The following NRG3 variants were observed in gnomAD, a reference collection of about 807,000 sequenced individuals.
NRG3 encodes the protein pro-neuregulin-3, membrane-bound isoform.
A neutral mutation model predicts 66.9 loss-of-function variants in NRG3; 31 were observed. That is an observed-to-expected ratio of 0.46 (90% CI 0.35 to 0.63). NRG3 has a LOEUF of 0.63. Among genes scored for constraint, NRG3 ranks in the 20% least tolerant of loss-of-function variants. The pLI, the probability that NRG3 is intolerant of heterozygous loss-of-function variation, is 0.00. For missense variants in NRG3, 910 were observed against 878.9 expected (o/e 1.04, Z -0.45); for synonymous variants, 393 against 359.4 (o/e 1.09, Z -1.06).
At chr10:81,995,950 T>C (rs2060925314) in intron 1 of NRG3, among the ~76,000 whole-genome samples, 1 of 152,222 alleles carries the variant, frequency 6.6e-6, no homozygotes, top group African/African-American at 2.4e-5. Flanking sequence ...CATGGCTCTC[T>C]TCACTGGAAA....
chr10:82,891,217 G>A (rs184383552), intron 4 of NRG3, among the ~76,000 whole-genome samples: 1 of 151,672 alleles, frequency 6.6e-6, no homozygotes, highest in Admixed American at 6.6e-5. Flanking sequence ...AGATGAGTTT[G>A]AAAAGTATTG....
chr10:82,519,444 TGGAGGTAAGGGC>T (rs1273168513), intron 2 of NRG3, among the ~76,000 whole-genome samples: 2 of 152,032 alleles, frequency 1.3e-5, no homozygotes, highest in African/African-American at 4.8e-5. Context: ...CGTTATGGGG[TGGAGGTAAGGGC>T]AGAGCCTTAT....
chr10:81,885,794 C>T (rs757169683), intron 1 of NRG3, among the ~76,000 whole-genome samples: 1 of 152,086 alleles, frequency 6.6e-6, no homozygotes, highest in Non-Finnish European at 1.5e-5. Context: ...GACAGTTGTG[C>T]TCATTGTTAG....
chr10:82,349,312 G>T (rs936662095), intron 1 of NRG3, among the ~76,000 whole-genome samples: 2 of 152,008 alleles, frequency 1.3e-5, no homozygotes, highest in Non-Finnish European at 2.9e-5. Context: ...AGGTCTGTTG[G>T]AATACCCTGC....
intron 1 of NRG3, among the ~76,000 whole-genome samples, chr10:82,036,231 G>T (rs999935524): frequency 6.6e-6 from 1 of 152,040 alleles, no homozygotes; most frequent in Non-Finnish European, 1.5e-5. Context: ...TATATTTTAG[G>T]CTGTTAGACC....
In NRG3 at chr10:82,650,928, A is replaced by G. The variant is rs537283515; in HGVS notation, c.954-87649A>G. 4.1e-4 allele frequency among the ~76,000 whole-genome samples: 62 copies of G among 152,290 alleles called. 1 individual carries two copies. The South Asian group carries it at 0.01, about 25-fold the overall frequency. On this transcript the variant is annotated intron_variant, in intron 2 of 8. Transcript: ENST00000372141. Reference sequence around the variant, plus strand: ...ACATTTCATCAAGTGATTTTGATATATTTCAAGCCCACACATTGGGAAAAA... The same window carrying G: ...ACATTTCATCAAGTGATTTTGATATGTTTCAAGCCCACACATTGGGAAAAA...
At position 82,631,864 on chromosome 10, in the gene NRG3, G is replaced by C. The variant is rs2049863578; in HGVS notation, c.954-106713G>C. On this transcript the variant is annotated intron_variant, in intron 2 of 8. Transcript: ENST00000372141. ...CACCTGTCATCCCAGCACTTTAAGA[G>C]GCCGAGGCAGGCAGATCACCTGAGG... 2.0e-5 allele frequency among the ~76,000 whole-genome samples: 3 copies of C among 152,034 alleles called. No homozygotes were observed. The South Asian group carries it at 6.2e-4, about 32-fold the overall frequency.
intron 2 of NRG3, among the ~76,000 whole-genome samples, chr10:82,561,480 C>T (rs923235527): frequency 2.6e-5 from 4 of 152,076 alleles, no homozygotes; most frequent in Admixed American, 1.3e-4. Context: ...GGCGAAACCT[C>T]GCCTCTACCA....
chr10:82,328,786 AT>A (rs2081995289), intron 1 of NRG3, among the ~76,000 whole-genome samples: 3 of 152,194 alleles, frequency 2.0e-5, no homozygotes, highest in Admixed American at 1.3e-4. Flanking sequence ...AAGAACACCT[AT>A]TCAAGTGTCC....
At chr10:82,849,883 G>A (rs2063482834) in intron 3 of NRG3, among the ~76,000 whole-genome samples, 1 of 152,150 alleles carries the variant, frequency 6.6e-6, no homozygotes, top group Non-Finnish European at 1.5e-5. Context: ...AGATGCCATG[G>A]GAGGGATGTT....
chr10:82,293,817 A>G (rs1035953564), intron 1 of NRG3, among the ~76,000 whole-genome samples: 4 of 152,226 alleles, frequency 2.6e-5, no homozygotes, highest in East Asian at 1.9e-4. Flanking sequence ...TCGTAATTGC[A>G]TAGGACTGTC....
chr10:82,185,746 A>G (rs971725926), intron 1 of NRG3, among the ~76,000 whole-genome samples: 1 of 152,192 alleles, frequency 6.6e-6, no homozygotes, highest in Non-Finnish European at 1.5e-5. Context: ...ATTACTGTTG[A>G]CTCAAGAGTC....
chr10:82,535,554 G>A (rs1405589282), intron 2 of NRG3, among the ~76,000 whole-genome samples: 1 of 152,114 alleles, frequency 6.6e-6, no homozygotes, highest in South Asian at 2.1e-4. Flanking sequence ...AAATTTAGAT[G>A]ACTGCCGCTA....
At chr10:82,281,223 C>T (rs2079105504) in intron 1 of NRG3, among the ~76,000 whole-genome samples, 1 of 152,032 alleles carries the variant, frequency 6.6e-6, no homozygotes, top group Admixed American at 6.6e-5. Context: ...AGCTAATTTC[C>T]GTCTGGGATG....
chr10:82,815,194 G>T (rs1365480286), intron 3 of NRG3, among the ~76,000 whole-genome samples: 2 of 152,156 alleles, frequency 1.3e-5, no homozygotes, highest in Non-Finnish European at 2.9e-5. Flanking sequence ...AAAGTTTGTT[G>T]TGCCTTCTCC....
intron 1 of NRG3, among the ~76,000 whole-genome samples, chr10:82,317,944 T>G (rs915729500): frequency 1.3e-5 from 2 of 152,096 alleles, no homozygotes; most frequent in Non-Finnish European, 2.9e-5. Context: ...ATCTACATTT[T>G]TTTTTTTTTA....
intron 2 of NRG3, among the ~76,000 whole-genome samples, chr10:82,672,862 G>C (rs895223335): frequency 6.6e-6 from 1 of 152,138 alleles, no homozygotes; most frequent in Non-Finnish European, 1.5e-5. Flanking sequence ...CAATCCTCCT[G>C]CCTCAGCCTC....
intron 2 of NRG3, among the ~76,000 whole-genome samples, chr10:82,724,023 T>A (rs984887942): frequency 6.8e-6 from 1 of 147,604 alleles, no homozygotes; most frequent in African/African-American, 2.5e-5. Context: ...AATAAAAGCA[T>A]AAATGAATGA....
At chr10:82,603,475 A>C (rs1316025045) in intron 2 of NRG3, among the ~76,000 whole-genome samples, 1 of 152,184 alleles carries the variant, frequency 6.6e-6, no homozygotes, top group East Asian at 1.9e-4. Context: ...CTAGGAAACA[A>C]TTGAGCGGAA....
Sources: gnomAD v4.1 joint callset for allele counts (sites outside exome capture counted in the v4.1 genomes callset) on GRCh38, gnomAD v4.1.1 for gene constraint, MANE v1.5 for transcripts, NCBI Gene and HGNC (gene_info 2026-07-23, HGNC 2026-07-21) for gene names.